The following KL variants were observed in gnomAD, a reference collection of about 807,000 sequenced individuals.
KL encodes alpha-klotho.
A neutral mutation model predicts 84.2 loss-of-function variants in KL; 62 were observed. The ratio of observed to expected loss-of-function variants is 0.74; its 90% CI spans 0.60 to 0.91. KL has a LOEUF of 0.91. Among genes scored for constraint, KL ranks in the 40% least tolerant of loss-of-function variants. The pLI, the probability that KL is intolerant of heterozygous loss-of-function variation, is 0.00. For synonymous variants in KL, 528 were observed against 528.0 expected, an observed-to-expected ratio of 1.00 and a Z score of 0.00; for missense variants, 1,261 against 1,305.7, an observed-to-expected ratio of 0.97 and a Z score of 0.53.
In KL at chr13:33,061,754, A is replaced by G; in HGVS notation, c.2675A>G (p.Gln892Arg). ...GACCAGCTGAGGGTGTATTATATGC[A>G]GAATTACATAAACGAAGCTCTCAAA... ...EDDQLRVYYM[Q>R]NYINEALKAH... The change falls in exon 4 of 5, where the codon CAG (glutamine) becomes CGG (arginine). Residue 892 changes from glutamine to arginine, a missense_variant. By Grantham distance (43) the Gln-to-Arg change is conservative. Transcript: ENST00000380099. 1.2e-6 allele frequency: 2 copies of G among 1,614,030 alleles called. No individual in the cohort carries two copies. Among genetic ancestry groups the G allele is most frequent in the African/African-American group, 1.3e-5 (1 of 75,058 alleles).
Position 33,055,171 on chromosome 13 carries a change from C to T in KL, c.1455C>T (p.Asp485=). 1.9e-6 allele frequency: 3 copies of T among 1,614,174 alleles called. No homozygotes were observed. The highest frequency in any genetic ancestry group is 2.5e-6 in the Non-Finnish European group (3 of 1,180,036). The change falls in exon 3 of 5, where the codon GAC becomes GAT. Residue 485 remains aspartate, a synonymous_variant. Coordinates refer to ENST00000380099, the MANE Select transcript of KL (RefSeq NM_004795.4). ...GLFYVDFLSQ[D]KMLLPKSSAL... The stretch of plus-strand genomic sequence containing the variant: ...TCTATGTTGACTTTCTAAGCCAGGA[C>T]AAGATGTTGTTGCCAAAGTCTTCAG...
intron 1 of KL, among the ~76,000 whole-genome samples, chr13:33,033,132 C>A (rs778616292): frequency 2.0e-5 from 3 of 152,160 alleles, no homozygotes; most frequent in Admixed American, 6.5e-5. Context: ...CATTTCAATT[C>A]AGATCTCTCT....
At chr13:33,033,895 G>T (rs553599372) in intron 1 of KL, among the ~76,000 whole-genome samples, 9 of 151,834 alleles carry the variant, frequency 5.9e-5, no homozygotes, top group African/African-American at 2.2e-4. Context: ...TTTTAAAAAA[G>T]ATAAAAACAG....
intron 1 of KL, among the ~76,000 whole-genome samples, 164 bp downstream of exon 1, chr13:33,017,423 G>A (rs914290067): frequency 4.6e-5 from 7 of 152,252 alleles, no homozygotes; most frequent in African/African-American, 1.7e-4. Flanking sequence ...CCCTTGGAAG[G>A]CGTGGAATTA....
At chr13:33,036,390 GCACACACACCA>G (rs1250048648) in intron 1 of KL, among the ~76,000 whole-genome samples, 1 of 149,888 alleles carries the variant, frequency 6.7e-6, no homozygotes. Flanking sequence ...CCACACACAT[GCACACACACCA>G]CACACACACC....
intron 1 of KL, among the ~76,000 whole-genome samples, chr13:33,036,734 C>T (rs1329603422): frequency 6.6e-6 from 1 of 152,088 alleles, no homozygotes; most frequent in African/African-American, 2.4e-5. Flanking sequence ...TGTTTACTAT[C>T]TCTAGAACCC....
chr13:33,054,204 C>A lies in KL; in HGVS notation c.1257C>A (p.Val419=), dbSNP rs1244851185. Residue 419 remains valine, a synonymous_variant, in exon 2 of 5, where the codon GTC becomes GTA. Coordinates refer to ENST00000380099, the MANE Select transcript of KL (RefSeq NM_004795.4). ...TTATTGTGGAAAATGGCTGGTTTGT[C>A]TCAGGGACCACCAAGAGAGATGATG... ...QIFIVENGWF[V]SGTTKRDDAK... 1 of 1,613,378 alleles carries A rather than the reference C, an allele frequency of 6.2e-7. No homozygotes were observed. The highest frequency in any genetic ancestry group is 1.3e-5 in the African/African-American group (1 of 74,782).
At chr13:33,061,865 C>A in intron 4 of KL, 85 bp downstream of exon 4, 1 of 1,366,648 alleles carries the variant, frequency 7.3e-7, no homozygotes, top group Non-Finnish European at 1.0e-6. Flanking sequence ...CATCAACACA[C>A]ACTGCCACCC....
intron 1 of KL, among the ~76,000 whole-genome samples, chr13:33,043,281 G>A (rs1006796335): frequency 9.9e-5 from 15 of 151,122 alleles, no homozygotes; most frequent in African/African-American, 3.7e-4. Context: ...ATACAATGGT[G>A]TGATCTCGGC....
chr13:33,063,592 G>A (rs557055731), intron 4 of KL, among the ~76,000 whole-genome samples: 8 of 151,864 alleles, frequency 5.3e-5, no homozygotes, highest in African/African-American at 7.2e-5. Context: ...CCAACATGGC[G>A]AAATCCCATC....
chr13:33,048,331 T>C (rs1332249408), intron 1 of KL, among the ~76,000 whole-genome samples: 1 of 152,224 alleles, frequency 6.6e-6, no homozygotes, highest in Non-Finnish European at 1.5e-5. Context: ...TTAGAGCTGG[T>C]CTATTCCTGC....
At chr13:33,051,632 T>A (rs1871753184) in intron 1 of KL, among the ~76,000 whole-genome samples, 1 of 152,220 alleles carries the variant, frequency 6.6e-6, no homozygotes, top group Admixed American at 6.5e-5. Flanking sequence ...ATCATGTCCT[T>A]GCTAAACCTC....
At position 33,051,364 on chromosome 13, in the gene KL, A is replaced by T. The variant is rs560537878; in HGVS notation, c.820-2403A>T. 2.6e-5 allele frequency among the ~76,000 whole-genome samples: 4 copies of T among 152,238 alleles called. No homozygotes were observed. The South Asian group carries it at 8.3e-4, about 32-fold the overall frequency. Reference sequence around the variant, plus strand: ...AGACCAGCCAGGGCAACACAGCAAGATTTAATCTCTACTAGAAATAAAAAA... The same window carrying T: ...AGACCAGCCAGGGCAACACAGCAAGTTTTAATCTCTACTAGAAATAAAAAA... On this transcript the variant is annotated intron_variant, in intron 1 of 4. Coordinates refer to ENST00000380099, the MANE Select transcript of KL (RefSeq NM_004795.4).
rs1248846589 is a variant in KL at position 33,064,511 on chromosome 13, T to C, written c.*325T>C. ...TGTGCAGAAATTTGAATGACAAGAT[T>C]AGGAATATTTTCTTCTGCACCCACT... On this transcript the variant is annotated 3_prime_UTR_variant, in exon 5 of 5. Transcript: ENST00000380099. The C allele has an allele frequency of 1.0e-5, 3 of 298,524 alleles. No homozygotes were observed. Among genetic ancestry groups the C allele is most frequent in the Admixed American group, 4.7e-5 (1 of 21,314 alleles). 18.5% of individuals were successfully genotyped at this position (298,524 alleles called of 1,614,324 possible).
intron 1 of KL, among the ~76,000 whole-genome samples, chr13:33,030,262 G>A (rs532392752): frequency 6.4e-4 from 97 of 152,096 alleles, no homozygotes; most frequent in African/African-American, 2.2e-3. Flanking sequence ...AGTTTTGGAG[G>A]GGCAAGCATT....
chr13:33,059,939 A>C (rs1872109999), intron 3 of KL, among the ~76,000 whole-genome samples: 1 of 152,034 alleles, frequency 6.6e-6, no homozygotes, highest in South Asian at 2.1e-4. Context: ...ATATCTTTTC[A>C]TTTTCTTACT....
At chr13:33,055,348 C>T in intron 3 of KL, 33 bp downstream of exon 3, 6 of 1,613,908 alleles carry the variant, frequency 3.7e-6, no homozygotes, top group Non-Finnish European at 5.1e-6. Flanking sequence ...TCAGCAGTCT[C>T]ACCAAGCCCT....
rs756419229 is a variant in KL, at chr13:33,017,276, A to G, written c.819+17A>G. The G allele has an allele frequency of 6.5e-6, 10 of 1,546,128 alleles. No homozygotes were observed. The highest frequency in any genetic ancestry group is 8.7e-6 in the Non-Finnish European group (10 of 1,151,356). On this transcript the variant is annotated intron_variant, in intron 1 of 4. Coordinates refer to ENST00000380099, the MANE Select transcript of KL (RefSeq NM_004795.4). ...CTCCTCCTGGTGAGTGCGAGGGGCC[A>G]GGCGGAGGGCCACGCAGGGGAGACA...
chr13:33,048,675 G>T (rs1011255702), intron 1 of KL, among the ~76,000 whole-genome samples: 2 of 152,172 alleles, frequency 1.3e-5, no homozygotes, highest in African/African-American at 4.8e-5. Context: ...GCTGTGTATT[G>T]TGTGGGCTTC....
Sources: allele counts gnomAD v4.1 joint callset (sites outside exome capture counted in the v4.1 genomes callset), GRCh38; gene constraint gnomAD v4.1.1; transcripts MANE v1.5; gene names NCBI Gene and HGNC (gene_info 2026-07-23, HGNC 2026-07-21).